The following VPS13B variants were observed in gnomAD, a reference collection of about 807,000 sequenced individuals.
The protein encoded by VPS13B is intermembrane lipid transfer protein VPS13B.
Under a neutral mutation model 426.4 loss-of-function variants are expected in VPS13B, and 285 were observed. The ratio of observed to expected loss-of-function variants is 0.67; its 90% CI spans 0.61 to 0.74. The LOEUF (loss-of-function observed/expected upper bound fraction) is 0.74. VPS13B is among the 30% of genes least tolerant of loss of function. The pLI is 0.00. For missense variants in VPS13B, 4,537 were observed against 4,782.6 expected, an observed-to-expected ratio of 0.95 and a Z score of 1.51; for synonymous variants, 1,676 against 1,676.4, an observed-to-expected ratio of 1.00 and a Z score of 0.01.
chr8:99,293,746 T>C (rs1819874167), intron 19 of VPS13B, among the ~76,000 whole-genome samples: 1 of 152,094 alleles, frequency 6.6e-6, no homozygotes, highest in South Asian at 2.1e-4. Flanking sequence ...AACAGACACT[T>C]CTCAAAAGAA....
intron 2 of VPS13B, among the ~76,000 whole-genome samples, chr8:99,019,749 C>T (rs1346703639): frequency 1.3e-5 from 2 of 152,122 alleles, no homozygotes; most frequent in Admixed American, 1.3e-4. Flanking sequence ...TTTGTTCTTT[C>T]GTTATTGGCA....
chr8:99,132,216 GA>G (rs1233568406), intron 8 of VPS13B, among the ~76,000 whole-genome samples: 1 of 152,210 alleles, frequency 6.6e-6, no homozygotes, highest in African/African-American at 2.4e-5. Flanking sequence ...AACCTCTGTC[GA>G]AATTGAAGTC....
At chr8:99,232,937 CT>C in intron 17 of VPS13B, 1 of 611,494 alleles carries the variant, frequency 1.6e-6, no homozygotes, top group Non-Finnish European at 2.9e-6. Flanking sequence ...CTTCTCATTC[CT>C]CAGATGGTCT....
chr8:99,776,592 G>A (rs1043305023), intron 40 of VPS13B, among the ~76,000 whole-genome samples, 183 bp from the exon 41 acceptor site: 5 of 152,096 alleles, frequency 3.3e-5, no homozygotes, highest in Non-Finnish European at 7.4e-5. Context: ...ACTGCACCTG[G>A]CCAAACACGA....
chr8:99,300,830 G>T (rs1820318309), intron 19 of VPS13B, among the ~76,000 whole-genome samples: 1 of 148,298 alleles, frequency 6.7e-6, no homozygotes, highest in African/African-American at 2.5e-5. Flanking sequence ...ATTAATAAGT[G>T]TTAGCCTACC....
At chr8:99,549,200 CCAGCATACTGTTAAAA>C (rs1824148293) in intron 30 of VPS13B, among the ~76,000 whole-genome samples, 2 of 152,052 alleles carry the variant, frequency 1.3e-5, no homozygotes, top group Admixed American at 6.6e-5. Flanking sequence ...TGCATACTAA[CCAGCATACTGTTAAAA>C]CACTGTTAAG....
intron 19 of VPS13B, among the ~76,000 whole-genome samples, chr8:99,351,315 A>T (rs900558775): frequency 2.6e-5 from 4 of 152,156 alleles, no homozygotes; most frequent in African/African-American, 9.7e-5. Context: ...CTATGCTTCA[A>T]AACCTTTTAT....
At chr8:99,822,419 G>A (rs1400385555) in intron 50 of VPS13B, among the ~76,000 whole-genome samples, 1 of 152,194 alleles carries the variant, frequency 6.6e-6, no homozygotes, top group African/African-American at 2.4e-5. Flanking sequence ...ACATGTTTAT[G>A]CTCTGACGGC....
intron 17 of VPS13B, among the ~76,000 whole-genome samples, chr8:99,238,228 A>G (rs1229512471): frequency 6.6e-6 from 1 of 151,350 alleles, no homozygotes; most frequent in Non-Finnish European, 1.5e-5. Flanking sequence ...AAATTAGTGT[A>G]AGAGTTTGTG....
chr8:99,292,443 G>T (rs982344196), intron 19 of VPS13B, among the ~76,000 whole-genome samples: 2 of 152,044 alleles, frequency 1.3e-5, no homozygotes, highest in Non-Finnish European at 2.9e-5. Context: ...GGAAAATGTT[G>T]AGCTCTTTTG....
chr8:99,805,993 G>C (rs1391153344), intron 43 of VPS13B, among the ~76,000 whole-genome samples: 1 of 152,210 alleles, frequency 6.6e-6, no homozygotes, highest in Non-Finnish European at 1.5e-5. Flanking sequence ...TCAGGCAGAA[G>C]GGATAGTTAT....
rs560679766 is a variant in VPS13B, at chr8:99,377,531, C to A, written c.2825-6677C>A. Among the ~76,000 whole-genome samples the A allele has an allele frequency of 1.2e-4, 18 of 152,214 alleles. No individual in the cohort carries two copies. In the South Asian group the frequency reaches 3.5e-3, roughly 30 times the overall value. Reference sequence around the variant, plus strand: ...TGTGATTTTCATTTTTCTTTAAAATCTACTTGTTGCTGATGCTTTCTCATA... The same window carrying A: ...TGTGATTTTCATTTTTCTTTAAAATATACTTGTTGCTGATGCTTTCTCATA... On this transcript the variant is annotated intron_variant, in intron 19 of 61. Coordinates refer to ENST00000357162, the MANE Select transcript of VPS13B (RefSeq NM_152564.5).
chr8:99,832,788 A>G, intron 52 of VPS13B, 136 bp downstream of exon 52: 1 of 879,062 alleles, frequency 1.1e-6, no homozygotes, highest in Non-Finnish European at 1.7e-6. Flanking sequence ...ACTTCTAGAC[A>G]TTGTATACAG....
At chr8:99,141,462 C>T (rs951998335) in intron 12 of VPS13B, among the ~76,000 whole-genome samples, 1 of 151,956 alleles carries the variant, frequency 6.6e-6, no homozygotes, top group African/African-American at 2.4e-5. Context: ...GATTTGTAAC[C>T]GAAGTTCTAT....
chr8:99,342,331 G>T (rs563561855), intron 19 of VPS13B, among the ~76,000 whole-genome samples: 1 of 152,188 alleles, frequency 6.6e-6, no homozygotes, highest in Admixed American at 6.5e-5. Flanking sequence ...TTGTACAATA[G>T]ATCTCAACAC....
At chr8:99,266,796 T>C (rs1379606154) in intron 17 of VPS13B, among the ~76,000 whole-genome samples, 1 of 152,200 alleles carries the variant, frequency 6.6e-6, no homozygotes, top group Non-Finnish European at 1.5e-5. Flanking sequence ...CCTGCTGCAT[T>C]GTGAAGAGGA....
Position 99,136,118 on chromosome 8 carries a change from A to C in VPS13B, c.1563+385A>C, listed in dbSNP as rs80341428. Among the ~76,000 whole-genome samples, 931 of 152,146 alleles carry C rather than the reference A, an allele frequency of 6.1e-3. 8 individuals carry two copies. Among genetic ancestry groups the C allele is most frequent in the African/African-American group, 0.02 (850 of 41,572 alleles). On this transcript the variant is annotated intron_variant, in intron 11 of 61. Coordinates refer to ENST00000357162, the MANE Select transcript of VPS13B (RefSeq NM_152564.5). Reference sequence around the variant, plus strand: ...AAGAATATATTAATATGTTTATGGAATATTAATACATTTATGAAATCAGTT... The same window carrying C: ...AAGAATATATTAATATGTTTATGGACTATTAATACATTTATGAAATCAGTT...
At chr8:99,803,353 A>G (rs1813228821) in intron 43 of VPS13B, among the ~76,000 whole-genome samples, 1 of 152,180 alleles carries the variant, frequency 6.6e-6, no homozygotes. Context: ...CAGCACCCAT[A>G]GTTTGTGGAA....
In VPS13B at chr8:99,679,271, T is replaced by C. The variant is rs191771147; in HGVS notation, c.6046+17780T>C. On this transcript the variant is annotated intron_variant, in intron 35 of 61. Transcript: ENST00000357162. Reference sequence around the variant, plus strand: ...GGATGAGTATATGCCATCATTGAAATAGTAAAACAAACAAAGGATGACATA... The same window carrying C: ...GGATGAGTATATGCCATCATTGAAACAGTAAAACAAACAAAGGATGACATA... 1.7e-3 allele frequency among the ~76,000 whole-genome samples: 262 copies of C among 152,258 alleles called. 1 individual carries two copies. The highest frequency in any genetic ancestry group is 2.1e-3 in the Non-Finnish European group (144 of 68,006).
Sources: allele counts gnomAD v4.1 joint callset (sites outside exome capture counted in the v4.1 genomes callset), GRCh38; gene constraint gnomAD v4.1.1; transcripts MANE v1.5; gene names NCBI Gene and HGNC (gene_info 2026-07-23, HGNC 2026-07-21).